The following RC3H1 variants were observed in gnomAD, a reference collection of about 807,000 sequenced individuals.
RC3H1 encodes ring finger and CCCH-type domains 1, also known as roquin-1.
In RC3H1, 50 loss-of-function variants were observed where a neutral mutation model predicts 138.2. That is an observed-to-expected ratio of 0.36 (90% CI 0.29 to 0.46). RC3H1 has a LOEUF of 0.46. RC3H1 is among the 20% of genes least tolerant of loss of function. The pLI, the probability that RC3H1 is intolerant of heterozygous loss-of-function variation, is 1.00. For synonymous variants in RC3H1, 462 were observed against 489.1 expected, an observed-to-expected ratio of 0.94 and a Z score of 0.73; for missense variants, 1,031 against 1,388.1, an observed-to-expected ratio of 0.74 and a Z score of 4.09.
At chr1:173,945,843 G>C (rs575536658) in intron 17 of RC3H1, among the ~76,000 whole-genome samples, 1 of 152,046 alleles carries the variant, frequency 6.6e-6, no homozygotes, top group East Asian at 2.0e-4. Context: ...GATTAGCTGG[G>C]ATTACAGGTG....
At position 173,965,063 on chromosome 1, in the gene RC3H1, A is replaced by G; in HGVS notation, c.1392T>C (p.Gly464=). 1 of 1,614,168 alleles carries G rather than the reference A, an allele frequency of 6.2e-7. No homozygotes were observed. Among genetic ancestry groups the G allele is most frequent in the Non-Finnish European group, 8.5e-7 (1 of 1,180,036 alleles). ...AAGGCAGGCCCACCTCATTAAGTTG[A>G]CCCAAAGAGGCACTCAAGGGTCTTC... ...VPRRPLSASL[G]QLNEVGLPSA... Residue 464 remains glycine (G), a synonymous_variant, in exon 10 of 20, where the codon GGT becomes GGC. Transcript: ENST00000367696.
At chr1:174,013,655 T>C (rs1351567719) in intron 1 of RC3H1, among the ~76,000 whole-genome samples, 2 of 152,056 alleles carry the variant, frequency 1.3e-5, no homozygotes, top group Non-Finnish European at 1.5e-5. Context: ...TTGGCCAGTA[T>C]GGTCTTGATC....
intron 14 of RC3H1, among the ~76,000 whole-genome samples, chr1:173,948,512 G>A (rs7547280): frequency 0.4 from 60,034 of 151,860 alleles, 16,986 homozygotes; most frequent in African/African-American, 0.79. Context: ...CAAATATATA[G>A]TTTGTATGCA....
At chr1:174,011,917 C>T (rs1448982553) in intron 1 of RC3H1, among the ~76,000 whole-genome samples, 1 of 152,072 alleles carries the variant, frequency 6.6e-6, no homozygotes. Context: ...TTTTTGTCAT[C>T]TAAAATGGGT....
rs745902146 is a variant in RC3H1, at chr1:173,943,426, CCACCATAACACT to C, written c.3135+4_3135+15del. ...TTCATTTCACCTTCCCTCTCTTTCC[CCACCATAACACT>C]CACCATACTCAGTTCCCGTGTTCTC... On this transcript the variant is annotated splice_donor_5th_base_variant and intron_variant, in intron 18 of 19. Transcript: ENST00000367696. The C allele has an allele frequency of 6.3e-7, 1 of 1,592,400 alleles. No individual in the cohort carries two copies. Among genetic ancestry groups the C allele is most frequent in the Non-Finnish European group, 8.6e-7 (1 of 1,166,438 alleles).
At chr1:173,955,379 G>A (rs1267376516) in intron 13 of RC3H1, among the ~76,000 whole-genome samples, 9 of 145,346 alleles carry the variant, frequency 6.2e-5, no homozygotes, top group Admixed American at 2.8e-4. Flanking sequence ...GTGCAGTGGC[G>A]CGATCTCGGC....
chr1:173,981,052 A>G (rs1398580960), intron 5 of RC3H1, 43 bp from the exon 6 acceptor site: 1 of 1,535,292 alleles, frequency 6.5e-7, no homozygotes, highest in Non-Finnish European at 8.9e-7. Context: ...CAAAAAAATG[A>G]GTTTATGCTT....
chr1:173,984,542 T>C lies in RC3H1; in HGVS notation c.309A>G (p.Val103=), dbSNP rs1660946524. The change falls in exon 3 of 20, where the codon GTA becomes GTG. Residue 103 remains valine (V), a synonymous_variant. Coordinates refer to ENST00000367696, the MANE Select transcript of RC3H1 (RefSeq NM_172071.4). ...GTTTTAAGTACAATGCTAATTCTTC[T>C]ACACATTTCTTGGCTTCCTCATAAT... The part of the protein sequence containing the change: ...TKHYEEAKKC[V]EELALYLKPL... 1.2e-6 allele frequency: 2 copies of C among 1,613,916 alleles called. No homozygotes were observed. The highest frequency in any genetic ancestry group is 1.3e-5 in the African/African-American group (1 of 74,934).
intron 13 of RC3H1, among the ~76,000 whole-genome samples, chr1:173,955,215 A>C (rs7514069): frequency 0.36 from 44,662 of 124,804 alleles, 11,750 homozygotes; most frequent in African/African-American, 0.77. Flanking sequence ...GACAGTGTGA[A>C]ACTCTGTCAC....
At chr1:173,998,401 A>G (rs1241330280) in intron 1 of RC3H1, among the ~76,000 whole-genome samples, 2 of 152,216 alleles carry the variant, frequency 1.3e-5, no homozygotes, top group Admixed American at 1.3e-4. Flanking sequence ...CCTCTCCTAC[A>G]AAAATGACGA....
chr1:173,995,526 T>TC (rs1366363305), intron 1 of RC3H1, among the ~76,000 whole-genome samples: 3 of 130,540 alleles, frequency 2.3e-5, no homozygotes, highest in Non-Finnish European at 4.8e-5. Context: ...AGAGCAAGAC[T>TC]CCATCTCAAA....
intron 12 of RC3H1, among the ~76,000 whole-genome samples, 161 bp from the exon 13 acceptor site, chr1:173,961,405 C>T (rs1379060824): frequency 1.3e-5 from 2 of 152,042 alleles, no homozygotes; most frequent in Non-Finnish European, 2.9e-5. Context: ...CAAAACCCCC[C>T]AAACTCTCAA....
At chr1:173,990,331 G>C (rs1338486066) in intron 2 of RC3H1, among the ~76,000 whole-genome samples, 1 of 151,866 alleles carries the variant, frequency 6.6e-6, no homozygotes, top group African/African-American at 2.4e-5. Flanking sequence ...TGCTAGCCTC[G>C]GCCTCCCAAA....
At chr1:173,992,697 C>CAGAG (rs765200828) in intron 2 of RC3H1, 58 bp downstream of exon 2, 482 of 1,059,468 alleles carry the variant, frequency 4.5e-4, no homozygotes, top group Non-Finnish European at 4.5e-4. Flanking sequence ...CACACACACA[C>CAGAG]ACAGAGAGAG....
At chr1:174,015,678 A>G (rs1456933929) in intron 1 of RC3H1, among the ~76,000 whole-genome samples, 1 of 150,790 alleles carries the variant, frequency 6.6e-6, no homozygotes, top group East Asian at 1.9e-4. Flanking sequence ...TATTTTATAT[A>G]TATATATATA....
chr1:173,981,634 G>A (rs781779807), intron 5 of RC3H1, among the ~76,000 whole-genome samples: 8 of 152,166 alleles, frequency 5.3e-5, no homozygotes, highest in African/African-American at 9.7e-5. Context: ...AATGAGCTAG[G>A]TGGGACTGAT....
Position 173,946,464 on chromosome 1 carries a change from C to G in RC3H1, c.2961+12G>C. 6.2e-7 allele frequency: 1 copy of G among 1,610,630 alleles called. No homozygotes were observed. The highest frequency in any genetic ancestry group is 8.5e-7 in the Non-Finnish European group (1 of 1,179,032). On this transcript the variant is annotated intron_variant, in intron 17 of 19. Transcript: ENST00000367696. ...TCAAAAATTGGAATAAAATGGCTCT[C>G]TAGGCTGGTACCTCTAGTCCACGTA...
chr1:173,951,169 T>C (rs1000132444), intron 14 of RC3H1, among the ~76,000 whole-genome samples: 4 of 151,932 alleles, frequency 2.6e-5, no homozygotes, highest in Admixed American at 2.0e-4. Context: ...TACTAAAAAA[T>C]ATAAAATTAG....
At chr1:173,960,953 TA>T (rs1214397626) in intron 13 of RC3H1, 123 bp downstream of exon 13, 11 of 888,508 alleles carry the variant, frequency 1.2e-5, no homozygotes, top group Non-Finnish European at 1.7e-5. Context: ...AGTTAAATGA[TA>T]AAAAACCTTT....
Sources: gnomAD v4.1 joint callset for allele counts (sites outside exome capture counted in the v4.1 genomes callset) on GRCh38, gnomAD v4.1.1 for gene constraint, MANE v1.5 for transcripts, NCBI Gene and HGNC (gene_info 2026-07-23, HGNC 2026-07-21) for gene names.